The following TNNI3K variants were observed in gnomAD, a reference collection of about 807,000 sequenced individuals.
TNNI3K encodes serine/threonine-protein kinase TNNI3K.
In TNNI3K, 140 loss-of-function variants were observed where a neutral mutation model predicts 114.5. The observed-to-expected ratio is 1.22, with a 90% CI of 1.07 to 1.41. The LOEUF (loss-of-function observed/expected upper bound fraction) is 1.41. TNNI3K is among the 40% of genes most tolerant of loss of function. The pLI is 0.00. For synonymous variants in TNNI3K, 347 were observed against 347.5 expected (o/e 1.00, Z 0.02); for missense variants, 1,125 against 1,007.6 (o/e 1.12, Z -1.58).
At chr1:74,352,773 C>T (rs182655017) in intron 9 of TNNI3K, among the ~76,000 whole-genome samples, 18 of 152,298 alleles carry the variant, frequency 1.2e-4, no homozygotes, top group Admixed American at 6.5e-4. Context: ...AAGCCAGGTG[C>T]GGGATGTAAT....
chr1:74,447,713 G>T (rs1316563847), intron 20 of TNNI3K, among the ~76,000 whole-genome samples: 1 of 17,040 alleles, frequency 5.9e-5, no homozygotes, highest in Non-Finnish European at 1.1e-4. Flanking sequence ...GATTCCTCAG[G>T]GATCTAGAAC....
chr1:74,302,926 A>G (rs56114384), intron 5 of TNNI3K, among the ~76,000 whole-genome samples: 2,965 of 152,320 alleles, frequency 0.019, 47 homozygotes, highest in Middle Eastern at 0.034. Context: ...AAACAGTCTT[A>G]TATTGGAATA....
intron 19 of TNNI3K, 63 bp downstream of exon 19, chr1:74,436,589 G>C: frequency 6.6e-7 from 1 of 1,522,920 alleles, no homozygotes; most frequent in Non-Finnish European, 8.8e-7. Flanking sequence ...CTCAGCATGA[G>C]AGGACGTAAG....
Position 74,350,567 on chromosome 1 carries a change from G to A in TNNI3K, c.933-2699G>A, listed in dbSNP as rs184117512. On this transcript the variant is annotated intron_variant, in intron 9 of 24. Transcript: ENST00000326637. ...TGATCTGTCTAATGTTGAGTGGGGT[G>A]TTAAAGTCTCCCATTATTATTGTAT... Among the ~76,000 whole-genome samples the A allele has an allele frequency of 5.6e-3, 860 of 152,214 alleles. 8 individuals carry two copies. Among genetic ancestry groups the A allele is most frequent in the Non-Finnish European group, 8.0e-3 (546 of 68,012 alleles).
At chr1:74,350,908 G>A (rs533578523) in intron 9 of TNNI3K, among the ~76,000 whole-genome samples, 3 of 151,880 alleles carry the variant, frequency 2.0e-5, no homozygotes, top group Admixed American at 6.6e-5. Context: ...GATGTGTCTT[G>A]ACTCTTTATC....
intron 17 of TNNI3K, among the ~76,000 whole-genome samples, chr1:74,419,812 T>A (rs986035910): frequency 1.3e-5 from 2 of 152,150 alleles, no homozygotes; most frequent in African/African-American, 4.8e-5. Flanking sequence ...TGACAAAAGC[T>A]AAATATGCTT....
chr1:74,272,971 G>T (rs1315844400), intron 5 of TNNI3K, among the ~76,000 whole-genome samples: 1 of 144,882 alleles, frequency 6.9e-6, no homozygotes, highest in Non-Finnish European at 1.5e-5. Flanking sequence ...AAGATGAGAA[G>T]TCTGACATCC....
intron 17 of TNNI3K, among the ~76,000 whole-genome samples, chr1:74,402,467 T>G (rs943936479): frequency 6.6e-6 from 1 of 152,218 alleles, no homozygotes; most frequent in Non-Finnish European, 1.5e-5. Context: ...ACGGAAGTCT[T>G]GAACCATGGC....
chr1:74,494,148 G>A (rs1669216320), intron 23 of TNNI3K, among the ~76,000 whole-genome samples: 1 of 152,072 alleles, frequency 6.6e-6, no homozygotes, highest in South Asian at 2.1e-4. Context: ...CAAAGCATTT[G>A]CACACGGCCC....
chr1:74,439,271 A>G (rs1388936119), intron 19 of TNNI3K: 12 of 477,368 alleles, frequency 2.5e-5, no homozygotes, highest in Non-Finnish European at 4.0e-5. Context: ...TGATTAAAAA[A>G]TGCCCTTTGA....
At chr1:74,279,986 C>G (rs921677686) in intron 5 of TNNI3K, among the ~76,000 whole-genome samples, 5 of 152,092 alleles carry the variant, frequency 3.3e-5, no homozygotes, top group Non-Finnish European at 7.4e-5. Context: ...CCCTTAACGC[C>G]CCACAGGATA....
intron 5 of TNNI3K, among the ~76,000 whole-genome samples, chr1:74,278,793 A>G (rs570282144): frequency 1.3e-5 from 2 of 152,282 alleles, no homozygotes; most frequent in African/African-American, 4.8e-5. Flanking sequence ...ACAACCATGA[A>G]TCTACTTTCC....
chr1:74,481,069 C>T (rs1267087885), intron 21 of TNNI3K: 22 of 601,606 alleles, frequency 3.7e-5, no homozygotes, highest in Non-Finnish European at 3.9e-5. Flanking sequence ...GCAATCTTAT[C>T]ACCTGGGTAA....
chr1:74,275,548 A>G (rs968674040), intron 5 of TNNI3K, among the ~76,000 whole-genome samples: 12 of 151,998 alleles, frequency 7.9e-5, no homozygotes, highest in Non-Finnish European at 1.5e-5. Flanking sequence ...AGGAGTTATG[A>G]GAGGGGATTT....
rs531606162 is a variant in TNNI3K, at chr1:74,353,252, GT to G, written c.933-4del. 2.2e-4 allele frequency: 317 copies of G among 1,413,636 alleles called. No homozygotes were observed. Among genetic ancestry groups the G allele is most frequent in the South Asian group, 1.6e-3 (123 of 75,918 alleles). 87.6% of individuals were successfully genotyped at this position (1,413,636 alleles called of 1,614,324 possible). On this transcript the variant is annotated splice_polypyrimidine_tract_variant and intron_variant, in intron 9 of 24. Coordinates refer to ENST00000326637, the MANE Select transcript of TNNI3K (RefSeq NM_015978.3). Reference sequence around the variant, plus strand: ...GACCTTCTATCTTTCTTGTTTTATGGTTTTTTTTTTCAGTGCTTGTACCTAT... The same window carrying G: ...GACCTTCTATCTTTCTTGTTTTATGGTTTTTTTTTCAGTGCTTGTACCTAT...
chr1:74,275,495 C>A (rs1476790328), intron 5 of TNNI3K, among the ~76,000 whole-genome samples: 1 of 151,794 alleles, frequency 6.6e-6, no homozygotes, highest in Non-Finnish European at 1.5e-5. Context: ...GAACACAGAG[C>A]CAAAGCATAT....
At chr1:74,507,782 C>G (rs532035707) in intron 23 of TNNI3K, among the ~76,000 whole-genome samples, 1 of 152,196 alleles carries the variant, frequency 6.6e-6, no homozygotes, top group Non-Finnish European at 1.5e-5. Context: ...GAGCTACCGT[C>G]ATCCAGGAAC....
intron 21 of TNNI3K, chr1:74,480,329 G>T: frequency 1.4e-6 from 1 of 717,794 alleles, no homozygotes; most frequent in South Asian, 1.5e-5. Context: ...TAGGTCCTTG[G>T]CATTCCTGAG....
chr1:74,332,976 A>AAAGAGAG (rs57556485), intron 6 of TNNI3K, among the ~76,000 whole-genome samples: 4 of 90,750 alleles, frequency 4.4e-5, no homozygotes, highest in Non-Finnish European at 6.8e-5. Flanking sequence ...AAAAAAAAAA[A>AAAGAGAG]AGAGAGAGAC....
Sources: gnomAD v4.1 joint callset for allele counts (sites outside exome capture counted in the v4.1 genomes callset) on GRCh38, gnomAD v4.1.1 for gene constraint, MANE v1.5 for transcripts, NCBI Gene and HGNC (gene_info 2026-07-23, HGNC 2026-07-21) for gene names.